The following CDH12 variants were observed in gnomAD, a reference collection of about 807,000 sequenced individuals.
The protein encoded by CDH12 is cadherin-12.
Under a neutral mutation model 74.1 loss-of-function variants are expected in CDH12, and 41 were observed. That is an observed-to-expected ratio of 0.55 (90% CI 0.43 to 0.72). The LOEUF (loss-of-function observed/expected upper bound fraction) is 0.72, where lower values mean the gene tolerates loss of function less well. Ranked by LOEUF, CDH12 falls within the 30% of genes least tolerant of loss-of-function variation. CDH12 has a pLI of 0.00. For missense variants in CDH12, 945 were observed against 977.2 expected, an observed-to-expected ratio of 0.97 and a Z score of 0.44; for synonymous variants, 399 against 355.0, an observed-to-expected ratio of 1.12 and a Z score of -1.39.
At chr5:22,194,217 T>G (rs761081206) in intron 4 of CDH12, among the ~76,000 whole-genome samples, 5 of 152,030 alleles carry the variant, frequency 3.3e-5, no homozygotes, top group South Asian at 4.1e-4. Context: ...GTACCAGGCT[T>G]GTGAGCTAGA....
At chr5:22,348,784 T>G (rs1289856571) in intron 3 of CDH12, among the ~76,000 whole-genome samples, 3 of 152,224 alleles carry the variant, frequency 2.0e-5, no homozygotes, top group Non-Finnish European at 4.4e-5. Flanking sequence ...TCCATAATGC[T>G]AGGCACTCAT....
Position 22,360,139 on chromosome 5 carries a change from G to A in CDH12, c.-333+45118C>T, listed in dbSNP as rs530420512. Among the ~76,000 whole-genome samples, 108 of 152,230 alleles carry A rather than the reference G, an allele frequency of 7.1e-4. 4 individuals carry two copies. In the South Asian group the frequency reaches 0.022, roughly 31 times the overall value. On this transcript the variant is annotated intron_variant, in intron 3 of 14. Coordinates refer to ENST00000382254, the MANE Select transcript of CDH12 (RefSeq NM_004061.5). ...AACCTTCAAAAAATCAATGAATCCA[G>A]GAGCTGGTTTTTTGAAAGGATCAAC... is the stretch of plus-strand genomic sequence containing the variant.
At chr5:22,406,165 T>C (rs1350732973) in intron 2 of CDH12, among the ~76,000 whole-genome samples, 1 of 152,202 alleles carries the variant, frequency 6.6e-6, no homozygotes, top group Non-Finnish European at 1.5e-5. Flanking sequence ...AATGCTTTCA[T>C]AAACATACTC....
At chr5:21,960,247 C>T (rs1404924250) in intron 6 of CDH12, among the ~76,000 whole-genome samples, 3 of 152,202 alleles carry the variant, frequency 2.0e-5, no homozygotes, top group Non-Finnish European at 4.4e-5. Flanking sequence ...TTCTTCTCAT[C>T]TCCACATGGC....
chr5:21,923,969 T>C (rs954547867), intron 6 of CDH12, among the ~76,000 whole-genome samples: 2 of 152,146 alleles, frequency 1.3e-5, no homozygotes, highest in Non-Finnish European at 2.9e-5. Flanking sequence ...ACTGTCTTCA[T>C]AGTGGAGAAA....
intron 1 of CDH12, among the ~76,000 whole-genome samples, chr5:22,714,258 C>T (rs901083454): frequency 2.6e-5 from 4 of 152,138 alleles, no homozygotes; most frequent in East Asian, 1.9e-4. Flanking sequence ...TAACCCGTGA[C>T]GTCTGAACTT....
At chr5:22,061,702 T>G (rs1225448087) in intron 5 of CDH12, among the ~76,000 whole-genome samples, 2 of 152,070 alleles carry the variant, frequency 1.3e-5, no homozygotes, top group African/African-American at 4.8e-5. Flanking sequence ...CCAACTAATA[T>G]TCTAGAGAAA....
chr5:22,608,886 T>A (rs1167510657), intron 1 of CDH12, among the ~76,000 whole-genome samples: 1 of 152,152 alleles, frequency 6.6e-6, no homozygotes, highest in Non-Finnish European at 1.5e-5. Flanking sequence ...TGTGAGTCAA[T>A]TAAATCTCTT....
chr5:22,845,829 G>A (rs897625000), intron 1 of CDH12, among the ~76,000 whole-genome samples: 6 of 152,154 alleles, frequency 3.9e-5, no homozygotes, highest in African/African-American at 1.4e-4. Flanking sequence ...ATACTATATC[G>A]GAGAGTGTAC....
intron 2 of CDH12, among the ~76,000 whole-genome samples, chr5:22,439,037 T>C (rs1043252238): frequency 1.3e-5 from 2 of 151,910 alleles, no homozygotes; most frequent in Non-Finnish European, 2.9e-5. Flanking sequence ...TGGACATCGC[T>C]TGTGTCTATA....
At chr5:22,099,561 C>T (rs1417029854) in intron 4 of CDH12, among the ~76,000 whole-genome samples, 1 of 152,038 alleles carries the variant, frequency 6.6e-6, no homozygotes, top group Non-Finnish European at 1.5e-5. Flanking sequence ...AGACTGTGCC[C>T]CAAGAAACTT....
chr5:22,125,596 G>A (rs940702466), intron 4 of CDH12, among the ~76,000 whole-genome samples: 27 of 152,164 alleles, frequency 1.8e-4, no homozygotes, highest in African/African-American at 5.5e-4. Flanking sequence ...GTTAGTTCCA[G>A]CTGAGTCAAT....
Position 22,081,020 on chromosome 5 carries a change from C to T in CDH12, c.-186-2158G>A, listed in dbSNP as rs575979041. On this transcript the variant is annotated intron_variant, in intron 4 of 14. Transcript: ENST00000382254. The stretch of plus-strand genomic sequence containing the variant: ...GATCTCGATCTCCTGACCTCATGAT[C>T]CACCTGCCTCAGCCTCCCAACGTGC... 1.3e-4 allele frequency among the ~76,000 whole-genome samples: 20 copies of T among 152,198 alleles called. 2 individuals carry two copies. The South Asian group carries it at 3.9e-3, about 30-fold the overall frequency.
At chr5:22,400,104 C>T (rs1742652441) in intron 3 of CDH12, among the ~76,000 whole-genome samples, 1 of 152,126 alleles carries the variant, frequency 6.6e-6, no homozygotes, top group Admixed American at 6.6e-5. Context: ...ACATATACTT[C>T]CCCCCTTTCT....
At chr5:21,817,221 A>G (rs1253089457) in intron 8 of CDH12, 89 bp from the exon 9 acceptor site, 1 of 837,724 alleles carries the variant, frequency 1.2e-6, no homozygotes. Context: ...GTCCACTGAA[A>G]GTAAATCACA....
intron 5 of CDH12, among the ~76,000 whole-genome samples, chr5:22,007,755 T>A (rs1213246996): frequency 6.6e-6 from 1 of 152,200 alleles, no homozygotes; most frequent in African/African-American, 2.4e-5. Context: ...TAGAAATTCT[T>A]CCTAGTTTCC....
At chr5:22,675,870 C>CATATGTATATATATATATATATATATAT (rs1741148193) in intron 1 of CDH12, among the ~76,000 whole-genome samples, 1 of 92,156 alleles carries the variant, frequency 1.1e-5, no homozygotes, top group African/African-American at 4.0e-5. Flanking sequence ...TTTTGTATCT[C>CATATGTATATATATATATATATATATAT]ATATATATAT....
chr5:21,898,235 T>A (rs915056567), intron 6 of CDH12, among the ~76,000 whole-genome samples: 2 of 152,010 alleles, frequency 1.3e-5, no homozygotes, highest in African/African-American at 4.8e-5. Context: ...TTATTTTATT[T>A]TTAGAGACAG....
chr5:22,074,200 C>T (rs1332988642), intron 5 of CDH12, among the ~76,000 whole-genome samples: 2 of 152,158 alleles, frequency 1.3e-5, no homozygotes, highest in East Asian at 3.9e-4. Context: ...CTGAGAAAAA[C>T]AAGAAATGGG....
Sources: gnomAD v4.1 joint callset for allele counts (sites outside exome capture counted in the v4.1 genomes callset) on GRCh38, gnomAD v4.1.1 for gene constraint, MANE v1.5 for transcripts, NCBI Gene and HGNC (gene_info 2026-07-23, HGNC 2026-07-21) for gene names.